ADGB: variants seen among roughly 807,000 people sequenced by gnomAD.
The protein encoded by ADGB is androglobin, also known as calpain-7-like protein.
A neutral mutation model predicts 210.5 loss-of-function variants in ADGB; 172 were observed. The observed-to-expected ratio is 0.82, with a 90% CI of 0.72 to 0.93. ADGB has a LOEUF of 0.93. Among genes scored for constraint, ADGB ranks in the 40% least tolerant of loss-of-function variants. ADGB has a pLI of 0.00. For missense variants in ADGB, 2,025 were observed against 1,964.8 expected, an observed-to-expected ratio of 1.03 and a Z score of -0.58; for synonymous variants, 658 against 662.7, an observed-to-expected ratio of 0.99 and a Z score of 0.11.
At chr6:146,809,985 G>A (rs1436419180) in intron 35 of ADGB, among the ~76,000 whole-genome samples, 2 of 151,176 alleles carry the variant, frequency 1.3e-5, no homozygotes, top group Admixed American at 1.3e-4. Flanking sequence ...AAAAGCTGCT[G>A]CACAGCAAAG....
intron 3 of ADGB, among the ~76,000 whole-genome samples, chr6:146,652,844 C>T (rs368518493): frequency 1.7e-4 from 26 of 152,188 alleles, no homozygotes; most frequent in Middle Eastern, 6.8e-3. Context: ...TCCTATCAGA[C>T]GTTAACTAAG....
At chr6:146,807,025 G>C (rs560929587) in intron 35 of ADGB, among the ~76,000 whole-genome samples, 1 of 152,244 alleles carries the variant, frequency 6.6e-6, no homozygotes, top group East Asian at 1.9e-4. Context: ...TTTTGTCAAG[G>C]ATAGCATACA....
At chr6:146,727,879 T>C (rs1019769119) in intron 19 of ADGB, among the ~76,000 whole-genome samples, 2 of 152,252 alleles carry the variant, frequency 1.3e-5, no homozygotes, top group Non-Finnish European at 2.9e-5. Context: ...TAGCAAGGCA[T>C]CTGTGCTTCA....
At chr6:146,743,198 A>T (rs1256809428) in intron 25 of ADGB, among the ~76,000 whole-genome samples, 1 of 152,236 alleles carries the variant, frequency 6.6e-6, no homozygotes. Flanking sequence ...AAGAGGAAGA[A>T]GATGATTTAA....
At chr6:146,642,023 T>A (rs9322068) in intron 2 of ADGB, among the ~76,000 whole-genome samples, 44,461 of 151,868 alleles carry the variant, frequency 0.29, 7,497 homozygotes, top group Admixed American at 0.4. Flanking sequence ...AGGTCTAATA[T>A]CCAGTATTTA....
rs1776351362 is a variant in ADGB at position 146,692,905 on chromosome 6, C to T, written c.1567C>T (p.Pro523Ser). ...TTATAGAATGACTCCATTTACAATT[C>T]CAACAGAAATGTAAGTATTAACATT... ...LNYRMTPFTI[P>S]TEMHFVRSLI... is the part of the protein sequence containing the mutation. The change falls in exon 12 of 36, where the codon CCA becomes TCA. Residue 523 changes from proline (P) to serine (S), a missense_variant. Physicochemically the swap from Pro to Ser is moderately conservative, Grantham distance 74. Transcript: ENST00000397944. The T allele has an allele frequency of 6.6e-7, 1 of 1,506,240 alleles. No individual in the cohort carries two copies. Among genetic ancestry groups the T allele is most frequent in the Admixed American group, 2.0e-5 (1 of 49,160 alleles). The allele number at this position is 1,506,240 out of a possible 1,614,324, so 93.3% of individuals were successfully genotyped here. A position where few individuals can be genotyped will look rare whatever the true frequency, so the allele number is the denominator to read the frequency against.
chr6:146,727,920 T>G (rs1473163829), intron 19 of ADGB, among the ~76,000 whole-genome samples: 1 of 152,174 alleles, frequency 6.6e-6, no homozygotes, highest in Non-Finnish European at 1.5e-5. Context: ...CCTCAAAATT[T>G]CAGGAGAGAA....
At chr6:146,794,942 G>A (rs1437135939) in intron 33 of ADGB, among the ~76,000 whole-genome samples, 1 of 152,040 alleles carries the variant, frequency 6.6e-6, no homozygotes, top group Non-Finnish European at 1.5e-5. Context: ...ACTACATAAA[G>A]GTCTCCTTGT....
At chr6:146,738,890 AT>A (rs566278998) in intron 23 of ADGB, among the ~76,000 whole-genome samples, 125 of 152,212 alleles carry the variant, frequency 8.2e-4, no homozygotes, top group African/African-American at 2.9e-3. Flanking sequence ...CTTGCACCCA[AT>A]TTTCTTGCAA....
At chr6:146,719,189 T>G (rs1001825569) in intron 16 of ADGB, among the ~76,000 whole-genome samples, 2 of 152,136 alleles carry the variant, frequency 1.3e-5, no homozygotes, top group African/African-American at 4.8e-5. Context: ...AAATAACATA[T>G]GTAAAACACT....
At chr6:146,664,048 T>A (rs962305718) in intron 5 of ADGB, among the ~76,000 whole-genome samples, 153 bp from the exon 6 acceptor site, 15 of 152,006 alleles carry the variant, frequency 9.9e-5, no homozygotes, top group Non-Finnish European at 2.1e-4. Context: ...TCAACCAGAG[T>A]AGTATTGAAA....
intron 26 of ADGB, among the ~76,000 whole-genome samples, chr6:146,747,388 G>A (rs538599364): frequency 1.3e-5 from 2 of 152,252 alleles, no homozygotes; most frequent in Admixed American, 1.3e-4. Context: ...AGTCTAAAAA[G>A]TGAAATTTAA....
At chr6:146,621,724 T>G (rs1780898773) in intron 1 of ADGB, among the ~76,000 whole-genome samples, 1 of 152,162 alleles carries the variant, frequency 6.6e-6, no homozygotes. Context: ...TCTTCTATTC[T>G]GTCATCTTGC....
intron 5 of ADGB, among the ~76,000 whole-genome samples, chr6:146,662,302 G>C (rs1775871926): frequency 6.6e-6 from 1 of 151,996 alleles, no homozygotes; most frequent in East Asian, 1.9e-4. Flanking sequence ...ATCCGCACAG[G>C]TCCCTGAGCC....
intron 7 of ADGB, among the ~76,000 whole-genome samples, chr6:146,669,702 G>T (rs1418183860): frequency 6.6e-6 from 1 of 152,094 alleles, no homozygotes; most frequent in Non-Finnish European, 1.5e-5. Context: ...AAGTGATGGT[G>T]TGTAGCAGGG....
At chr6:146,775,932 T>C (rs1777714976) in intron 29 of ADGB, among the ~76,000 whole-genome samples, 1 of 152,116 alleles carries the variant, frequency 6.6e-6, no homozygotes, top group Admixed American at 6.5e-5. Context: ...ATGTAAATTT[T>C]CAAATTCCAA....
chr6:146,601,866 A>G (rs902654679), intron 1 of ADGB, among the ~76,000 whole-genome samples: 1 of 152,220 alleles, frequency 6.6e-6, no homozygotes, highest in Non-Finnish European at 1.5e-5. Context: ...TGTGCTTACT[A>G]AATGAGCTCA....
At position 146,629,316 on chromosome 6, in the gene ADGB, A is replaced by T. The variant is rs578185871; in HGVS notation, c.75-6059A>T. On this transcript the variant is annotated intron_variant, in intron 1 of 35. Coordinates refer to ENST00000397944, the MANE Select transcript of ADGB (RefSeq NM_024694.4). ...TACGTGGTCATTTGAAGTCCACAGT[A>T]TACTTCACCTAGAGCTGCATTTCAG... 1.8e-4 allele frequency among the ~76,000 whole-genome samples: 27 copies of T among 152,304 alleles called. No individual in the cohort carries two copies. In the East Asian group the frequency reaches 5.2e-3, roughly 29 times the overall value.
At chr6:146,750,553 T>G (rs73786729) in intron 26 of ADGB, among the ~76,000 whole-genome samples, 4,970 of 151,978 alleles carry the variant, frequency 0.033, 246 homozygotes, top group African/African-American at 0.11. Context: ...TCCATATATA[T>G]AGAGAGAAAA....
Sources: allele counts gnomAD v4.1 joint callset (sites outside exome capture counted in the v4.1 genomes callset), GRCh38; gene constraint gnomAD v4.1.1; transcripts MANE v1.5; gene names NCBI Gene and HGNC (gene_info 2026-07-23, HGNC 2026-07-21).